The following FRMPD3 variants were observed in gnomAD, a reference collection of about 807,000 sequenced individuals.
FRMPD3 encodes the protein FERM and PDZ domain-containing protein 3.
A neutral mutation model predicts 97.9 loss-of-function variants in FRMPD3; 42 were observed. That is an observed-to-expected ratio of 0.43 (90% CI 0.34 to 0.55). The LOEUF (loss-of-function observed/expected upper bound fraction) is 0.55, where lower values mean the gene tolerates loss of function less well. FRMPD3 is among the 20% of genes least tolerant of loss of function. The pLI, the probability that FRMPD3 is intolerant of heterozygous loss-of-function variation, is 0.03. For synonymous variants in FRMPD3, 577 were observed against 581.1 expected, an observed-to-expected ratio of 0.99 and a Z score of 0.10; for missense variants, 1,303 against 1,457.7, an observed-to-expected ratio of 0.89 and a Z score of 1.73.
At chrX:107,517,061 T>C (rs1182038311) in intron 1 of FRMPD3, among the ~76,000 whole-genome samples, 1 of 111,968 alleles carries the variant, frequency 8.9e-6, no homozygotes, top group Admixed American at 9.5e-5. Flanking sequence ...GTATAAGGTG[T>C]AAGGAAGGGA....
intron 1 of FRMPD3, among the ~76,000 whole-genome samples, chrX:107,471,456 C>T (rs765535458): frequency 1.8e-5 from 2 of 111,017 alleles, no homozygotes; most frequent in East Asian, 5.7e-4. Context: ...TCCCACCCGC[C>T]ATCCCCCCAA....
At chrX:107,504,438 C>G (rs2147530862) in intron 1 of FRMPD3, among the ~76,000 whole-genome samples, 1 of 112,562 alleles carries the variant, frequency 8.9e-6, no homozygotes, top group South Asian at 3.7e-4. Flanking sequence ...GTGGATTTGT[C>G]TGGAAACTGG....
chrX:107,592,754 C>T lies in FRMPD3; in HGVS notation c.1442-4567C>T, dbSNP rs779293066. ...GTGTTCCTTTTCACCATATCCACAC[C>T]AACACATATTTTTTTTTTATTTTTA... On this transcript the variant is annotated intron_variant, in intron 13 of 14. Coordinates refer to ENST00000683843, the MANE Select transcript of FRMPD3 (RefSeq NM_001388459.1). Among the ~76,000 whole-genome samples the T allele has an allele frequency of 2.9e-5, 3 of 104,674 alleles. No individual in the cohort carries two copies. In the South Asian group the frequency reaches 1.2e-3, roughly 42 times the overall value. 90.9% of individuals were successfully genotyped at this position (104,674 alleles called of 115,157 possible).
chrX:107,544,414 T>C (rs1176514489), intron 4 of FRMPD3, among the ~76,000 whole-genome samples: 1 of 112,215 alleles, frequency 8.9e-6, no homozygotes, highest in Non-Finnish European at 1.9e-5. Flanking sequence ...TCACTCATTC[T>C]CTTGTGTAGT....
chrX:107,594,343 C>A (rs371758991), intron 13 of FRMPD3, among the ~76,000 whole-genome samples: 1 of 111,569 alleles, frequency 9.0e-6, no homozygotes, highest in Non-Finnish European at 1.9e-5. Flanking sequence ...AGTTTGGATG[C>A]CCTTTATTTA....
At chrX:107,465,590 T>C (rs1931545553) in intron 1 of FRMPD3, among the ~76,000 whole-genome samples, 1 of 111,855 alleles carries the variant, frequency 8.9e-6, no homozygotes, top group African/African-American at 3.3e-5. Context: ...TGGGACTGTA[T>C]GAGATTGGAG....
rs935185437 is a variant in FRMPD3 at position 107,604,038 on chromosome X, C to G, written c.*665C>G. 1 of 110,070 alleles carries G rather than the reference C, an allele frequency of 9.1e-6. No individual in the cohort carries two copies. The highest frequency in any genetic ancestry group is 3.3e-5 in the African/African-American group (1 of 30,216). The allele number at this position is 110,070 out of a possible 1,213,427, so 9.1% of individuals were successfully genotyped here. A position where few individuals can be genotyped will look rare whatever the true frequency, so the allele number is the denominator to read the frequency against. ...CAGCCATCCCCAAAGTGCCCTGCCCCTCACTGATGGGCAGGGCAGCTCAGT... is the reference window on the plus strand; with the variant it reads ...CAGCCATCCCCAAAGTGCCCTGCCCGTCACTGATGGGCAGGGCAGCTCAGT... On this transcript the variant is annotated 3_prime_UTR_variant, in exon 15 of 15. Coordinates refer to ENST00000683843, the MANE Select transcript of FRMPD3 (RefSeq NM_001388459.1).
intron 13 of FRMPD3, among the ~76,000 whole-genome samples, chrX:107,578,038 G>A (rs1333820096): frequency 1.8e-5 from 2 of 111,703 alleles, no homozygotes. Context: ...ACAGATGGCC[G>A]AATGATGAAA....
intron 1 of FRMPD3, among the ~76,000 whole-genome samples, chrX:107,511,516 G>A (rs1047323437): frequency 8.8e-6 from 1 of 113,045 alleles, no homozygotes; most frequent in Non-Finnish European, 1.9e-5. Context: ...TTGGGGGCAT[G>A]GAAGGCTGGT....
At chrX:107,564,715 T>G (rs1922527255) in intron 11 of FRMPD3, among the ~76,000 whole-genome samples, 172 bp from the exon 12 acceptor site, 1 of 112,432 alleles carries the variant, frequency 8.9e-6, no homozygotes, top group Non-Finnish European at 1.9e-5. Flanking sequence ...AACCATTTTC[T>G]GTCCCAGACC....
intron 4 of FRMPD3, among the ~76,000 whole-genome samples, chrX:107,533,892 T>C (rs1355429939): frequency 1.8e-5 from 2 of 112,461 alleles, no homozygotes; most frequent in East Asian, 2.8e-4. Context: ...CATAAAGTCC[T>C]GGACGATGAT....
Position 107,471,463 on chromosome X carries a change from C to G in FRMPD3, c.-8+21458C>G, listed in dbSNP as rs961626989. ...CTCTAAGTTCCCACCCGCCATCCCC[C>G]CAACAGGCCCTGGTGTGTGTTGTTC... is the stretch of plus-strand genomic sequence containing the variant. On this transcript the variant is annotated intron_variant, in intron 1 of 14. Transcript: ENST00000683843. Among the ~76,000 whole-genome samples, 3 of 111,098 alleles carry G rather than the reference C, an allele frequency of 2.7e-5. No homozygotes were observed. In the Admixed American group the frequency reaches 2.9e-4, roughly 11 times the overall value.
At chrX:107,554,746 A>G in intron 8 of FRMPD3, 1 of 347,889 alleles carries the variant, frequency 2.9e-6, no homozygotes. Context: ...GTTTTCAGAA[A>G]CAAGCAATCC....
chrX:107,576,504 T>A, intron 13 of FRMPD3, 45 bp downstream of exon 13: 1 of 1,184,508 alleles, frequency 8.4e-7, no homozygotes, highest in Non-Finnish European at 1.1e-6. Flanking sequence ...AGAGGCCCTT[T>A]GGACCCTGAA....
chrX:107,541,368 T>C (rs903043475), intron 4 of FRMPD3, among the ~76,000 whole-genome samples: 3 of 112,112 alleles, frequency 2.7e-5, no homozygotes, highest in African/African-American at 9.7e-5. Context: ...CTCCATGACA[T>C]CTAGCACAGA....
chrX:107,547,441 C>T (rs912658125), intron 5 of FRMPD3, among the ~76,000 whole-genome samples: 3 of 110,854 alleles, frequency 2.7e-5, no homozygotes, highest in Non-Finnish European at 3.8e-5. Context: ...AGCTAGGTTA[C>T]AGGCACAGCT....
At chrX:107,509,898 C>T (rs1462053241) in intron 1 of FRMPD3, among the ~76,000 whole-genome samples, 2 of 111,379 alleles carry the variant, frequency 1.8e-5, no homozygotes, top group Non-Finnish European at 3.8e-5. Context: ...CTATGCTGGG[C>T]ACATAGTAGG....
chrX:107,527,208 C>G (rs1464914176), intron 2 of FRMPD3, among the ~76,000 whole-genome samples: 1 of 111,902 alleles, frequency 8.9e-6, no homozygotes, highest in Non-Finnish European at 1.9e-5. Context: ...CATTGAAGAC[C>G]AGAATCAAGA....
rs376929094 is a variant in FRMPD3 at position 107,597,315 on chromosome X, G to A, written c.1442-6G>A. The stretch of plus-strand genomic sequence containing the variant: ...GCTCATCTGTTGATTCTCTTTCTGG[G>A]TTTAGATTACATGCACAGCGCCCAC... On this transcript the variant is annotated splice_polypyrimidine_tract_variant and splice_region_variant and intron_variant, in intron 13 of 14. Transcript: ENST00000683843. 3.3e-5 allele frequency: 39 copies of A among 1,187,592 alleles called. No homozygotes were observed. In the South Asian group the frequency reaches 3.4e-4, roughly 10 times the overall value.
Sources: allele counts gnomAD v4.1 joint callset (sites outside exome capture counted in the v4.1 genomes callset), GRCh38; gene constraint gnomAD v4.1.1; transcripts MANE v1.5; gene names NCBI Gene and HGNC (gene_info 2026-07-23, HGNC 2026-07-21).